The following AOC3 variants were observed in gnomAD, a reference collection of about 807,000 sequenced individuals.
The protein encoded by AOC3 is amine oxidase copper containing 3, also known as amine oxidase [copper-containing] 3.
Under a neutral mutation model 55.4 loss-of-function variants are expected in AOC3, and 47 were observed. The ratio of observed to expected loss-of-function variants is 0.85; its 90% CI spans 0.67 to 1.08. AOC3 has a LOEUF of 1.08. Ranked by LOEUF, AOC3 falls within the 50% of genes least tolerant of loss-of-function variation. The pLI is 0.00. For missense variants in AOC3, 853 were observed against 993.1 expected (o/e 0.86, Z 1.90); for synonymous variants, 386 against 410.7 (o/e 0.94, Z 0.73).
rs35452465 is a variant in AOC3, at chr17:42,857,885, C to G, written c.*1335C>G. 5 of 152,186 alleles carry G rather than the reference C, an allele frequency of 3.3e-5. No individual in the cohort carries two copies. The highest frequency in any genetic ancestry group is 1.2e-4 in the African/African-American group (5 of 41,434). 9.4% of individuals were successfully genotyped at this position (152,186 alleles called of 1,614,324 possible). On this transcript the variant is annotated 3_prime_UTR_variant, in exon 4 of 4. Coordinates refer to ENST00000308423, the MANE Select transcript of AOC3 (RefSeq NM_003734.4). ...ATCTTCAGGTGAAAAAGGCAAGCCA[C>G]AGAAATGTGTATAGCGCACTTCCCA...
Position 42,852,747 on chromosome 17 carries a change from G to A in AOC3, c.1404G>A (p.Leu468=). The change falls in exon 1 of 4, where the codon TTG becomes TTA. Residue 468 remains leucine, a synonymous_variant. Coordinates refer to ENST00000308423, the MANE Select transcript of AOC3 (RefSeq NM_003734.4). The part of the protein sequence containing the change: ...TVLVVRSMST[L]LNYDYVWDTV... ...TGGTCGTCAGATCTATGTCCACCTT[G>A]CTCAACTATGACTATGTGTGGGATA... 7.4e-6 allele frequency: 12 copies of A among 1,614,210 alleles called. No homozygotes were observed. Among genetic ancestry groups the A allele is most frequent in the South Asian group, 2.2e-5 (2 of 91,088 alleles).
Position 42,857,754 on chromosome 17 carries a change from AC to A in AOC3, c.*1205del, listed in dbSNP as rs1046066224. 2.0e-4 allele frequency: 31 copies of A among 152,270 alleles called. No individual in the cohort carries two copies. The highest frequency in any genetic ancestry group is 7.2e-4 in the African/African-American group (30 of 41,530). The allele number at this position is 152,270 out of a possible 1,614,324, so 9.4% of individuals were successfully genotyped here. A position where few individuals can be genotyped will look rare whatever the true frequency, so the allele number is the denominator to read the frequency against. On this transcript the variant is annotated 3_prime_UTR_variant, in exon 4 of 4. Transcript: ENST00000308423. ...TAGCAAGAGATGAGAAACAACAGAA[AC>A]TTTTTTCTCTAAAGGACTGGTTAAA...
chr17:42,853,486 G>A, intron 1 of AOC3: 1 of 805,384 alleles, frequency 1.2e-6, no homozygotes, highest in Non-Finnish European at 1.5e-6. Flanking sequence ...GAGCATTCTG[G>A]ATAGATCCTG....
intron 1 of AOC3, 79 bp downstream of exon 1, chr17:42,853,022 A>G (rs2055698319): frequency 1.3e-6 from 2 of 1,498,056 alleles, no homozygotes; most frequent in Non-Finnish European, 1.8e-6. Context: ...TTTTATGTAG[A>G]TTATCCCAGA....
In AOC3 at chr17:42,856,616, T is replaced by G; in HGVS notation, c.*66T>G. The stretch of plus-strand genomic sequence containing the variant: ...CAGGGTGTGAGGGATGGGGAGCAGC[T>G]GGGCACTGGGCCGGCAGCCTGGTTC... On this transcript the variant is annotated 3_prime_UTR_variant, in exon 4 of 4. Transcript: ENST00000308423. 1 of 1,338,304 alleles carries G rather than the reference T, an allele frequency of 7.5e-7. No individual in the cohort carries two copies. The highest frequency in any genetic ancestry group is 1.0e-6 in the Non-Finnish European group (1 of 968,994). The allele number at this position is 1,338,304 out of a possible 1,614,324, so 82.9% of individuals were successfully genotyped here.
rs2055670208 is a variant in AOC3, at chr17:42,851,796, C to T, written c.453C>T (p.Tyr151=). 2 of 1,613,384 alleles carry T rather than the reference C, an allele frequency of 1.2e-6. No individual in the cohort carries two copies. Among genetic ancestry groups the T allele is most frequent in the Non-Finnish European group, 1.7e-6 (2 of 1,180,032 alleles). ...LVVGPLPHPS[Y]MRDVTVERHG... is the part of the protein sequence containing the mutation. Reference sequence around the variant, plus strand: ...TGGGGCCACTGCCTCACCCCTCCTACATGCGGGACGTGACTGTGGAGCGTC... The same window carrying T: ...TGGGGCCACTGCCTCACCCCTCCTATATGCGGGACGTGACTGTGGAGCGTC... Residue 151 remains tyrosine (Y), a synonymous_variant, in exon 1 of 4, where the codon TAC becomes TAT. Coordinates refer to ENST00000308423, the MANE Select transcript of AOC3 (RefSeq NM_003734.4).
chr17:42,856,213 C>T (rs1047090061), intron 3 of AOC3, 62 bp from the exon 4 acceptor site: 2 of 1,579,084 alleles, frequency 1.3e-6, no homozygotes, highest in Non-Finnish European at 1.7e-6. Flanking sequence ...GAGCTGAATC[C>T]CTACCAGGGC....
Position 42,852,090 on chromosome 17 carries a change from G to A in AOC3, c.747G>A (p.Val249=). The A allele has an allele frequency of 6.2e-7, 1 of 1,613,752 alleles. No homozygotes were observed. The highest frequency in any genetic ancestry group is 8.5e-7 in the Non-Finnish European group (1 of 1,179,728). Residue 249 remains valine, a synonymous_variant, in exon 1 of 4, where the codon GTG becomes GTA. Coordinates refer to ENST00000308423, the MANE Select transcript of AOC3 (RefSeq NM_003734.4). The stretch of plus-strand genomic sequence containing the variant: ...ACCACGTGGGCTTGGAGCTGCTAGT[G>A]AACCACAAGGCCCTTGACCCTGCCC... ...FLHHVGLELL[V]NHKALDPARW...
intron 1 of AOC3, chr17:42,853,494 C>A: frequency 1.4e-6 from 1 of 737,542 alleles, no homozygotes; most frequent in Non-Finnish European, 1.7e-6. Context: ...TGGATAGATC[C>A]TGGAGTCTGG....
intron 1 of AOC3, chr17:42,853,929 TAC>T (rs1385704283): frequency 6.6e-6 from 1 of 152,452 alleles, no homozygotes; most frequent in African/African-American, 2.4e-5. Flanking sequence ...CTTCACATGT[TAC>T]AGTCAGGCAT....
In AOC3 at chr17:42,851,463, T is replaced by C; in HGVS notation, c.120T>C (p.His40=). Residue 40 remains histidine (H), a synonymous_variant, in exon 1 of 4, where the codon CAT becomes CAC. Coordinates refer to ENST00000308423, the MANE Select transcript of AOC3 (RefSeq NM_003734.4). ...GDGGEPSQLP[H]CPSVSPSAQP... ...GGGGTGAACCCAGCCAGCTTCCCCA[T>C]TGCCCCTCTGTATCTCCCAGTGCCC... 1 of 1,614,234 alleles carries C rather than the reference T, an allele frequency of 6.2e-7. No individual in the cohort carries two copies. The highest frequency in any genetic ancestry group is 8.5e-7 in the Non-Finnish European group (1 of 1,180,036).
chr17:42,855,081 A>G lies in AOC3; in HGVS notation c.1886+348A>G, dbSNP rs138614958. 4.2e-3 allele frequency among the ~76,000 whole-genome samples: 635 copies of G among 152,206 alleles called. 2 individuals carry two copies. The highest frequency in any genetic ancestry group is 6.8e-3 in the Middle Eastern group (2 of 294). On this transcript the variant is annotated intron_variant, in intron 2 of 3. Coordinates refer to ENST00000308423, the MANE Select transcript of AOC3 (RefSeq NM_003734.4). ...AGGCTGGTCTCGAACTCCTGACCTC[A>G]TGATCCACCCTCCTTGGTCTCCCAA... is the stretch of plus-strand genomic sequence containing the variant.
chr17:42,853,258 G>A (rs1437139673), intron 1 of AOC3: 5 of 1,133,048 alleles, frequency 4.4e-6, no homozygotes, highest in Non-Finnish European at 4.3e-6. Context: ...TATGGGCTCT[G>A]CTGCTGGGAG....
rs1392022639 is a variant in AOC3 at position 42,855,431 on chromosome 17, A to T, written c.1887-13A>T. The stretch of plus-strand genomic sequence containing the variant: ...GGTCAATGGCCATGGAGGCCTGACC[A>T]GTGCCTCCCTAGGTACCAGCTGGCT... On this transcript the variant is annotated splice_polypyrimidine_tract_variant and intron_variant, in intron 2 of 3. Transcript: ENST00000308423. 5.0e-6 allele frequency: 8 copies of T among 1,597,272 alleles called. No individual in the cohort carries two copies. The Admixed American group carries it at 1.4e-4, about 28-fold the overall frequency.
intron 1 of AOC3, among the ~76,000 whole-genome samples, chr17:42,853,688 C>G (rs1262181169): frequency 6.6e-6 from 1 of 152,158 alleles, no homozygotes; most frequent in Non-Finnish European, 1.5e-5. Context: ...GGTGCCAGCC[C>G]TCTCTCTGCT....
chr17:42,852,934 G>A lies in AOC3; in HGVS notation c.1591G>A (p.Asp531Asn). 1 of 1,602,172 alleles carries A rather than the reference G, an allele frequency of 6.2e-7. No individual in the cohort carries two copies. Among genetic ancestry groups the A allele is most frequent in the Non-Finnish European group, 8.5e-7 (1 of 1,169,954 alleles). ...CAGCGCCCACTTCAAGGTGGATCTG[G>A]ATGTAGCAGGTAAGACATTTTGGTG... is the stretch of plus-strand genomic sequence containing the variant. Reference protein sequence around the residue: ...THSAHFKVDLDVAGLENWVWA... With the variant: ...THSAHFKVDLNVAGLENWVWA... The change falls in exon 1 of 4, where the codon GAT becomes AAT. Residue 531 changes from aspartate to asparagine, a missense_variant. Transcript: ENST00000308423.
intron 2 of AOC3, 127 bp from the exon 3 acceptor site, chr17:42,855,317 G>T (rs34472078): frequency 9.9e-6 from 13 of 1,314,524 alleles, no homozygotes; most frequent in Non-Finnish European, 1.4e-5. Context: ...CGGGGATTCT[G>T]TAGCGCCGAG....
At position 42,852,003 on chromosome 17, in the gene AOC3, A is replaced by G. The variant is rs570018330; in HGVS notation, c.660A>G (p.Ser220=). 1 of 1,613,466 alleles carries G rather than the reference A, an allele frequency of 6.2e-7. No homozygotes were observed. Among genetic ancestry groups the G allele is most frequent in the Non-Finnish European group, 8.5e-7 (1 of 1,179,602 alleles). ...CCACGGCTCCCCGTGGTCTGCAATCAGGGGACCGGGCCACCTGGTTTGGCC... is the reference window on the plus strand; with the variant it reads ...CCACGGCTCCCCGTGGTCTGCAATCGGGGGACCGGGCCACCTGGTTTGGCC... ...TMTTAPRGLQ[S]GDRATWFGLY... is the part of the protein sequence containing the mutation. The change falls in exon 1 of 4, where the codon TCA becomes TCG. Residue 220 remains serine, a synonymous_variant. Coordinates refer to ENST00000308423, the MANE Select transcript of AOC3 (RefSeq NM_003734.4).
rs368455364 is a variant in AOC3, at chr17:42,852,619, C to G, written c.1276C>G (p.Arg426Gly). The G allele has an allele frequency of 6.2e-7, 1 of 1,614,086 alleles. No homozygotes were observed. Among genetic ancestry groups the G allele is most frequent in the Non-Finnish European group, 8.5e-7 (1 of 1,180,042 alleles). The change falls in exon 1 of 4, where the codon CGT becomes GGT. Residue 426 changes from arginine to glycine, a missense_variant. Physicochemically the swap from Arg to Gly is moderately radical, Grantham distance 125 (BLOSUM62 -2). Coordinates refer to ENST00000308423, the MANE Select transcript of AOC3 (RefSeq NM_003734.4). ...GGAGTCCCAGGCCCCCAAGACAATA[C>G]GTGATGCCTTTTGTGTGTTTGAACA... ...LLESQAPKTI[R>G]DAFCVFEQNQ...
Sources: gnomAD v4.1 joint callset for allele counts (sites outside exome capture counted in the v4.1 genomes callset) on GRCh38, gnomAD v4.1.1 for gene constraint, MANE v1.5 for transcripts, NCBI Gene and HGNC (gene_info 2026-07-23, HGNC 2026-07-21) for gene names.